Variants in PTPRG observed in about 807,000 individuals in gnomAD.
The protein encoded by PTPRG is protein tyrosine phosphatase receptor type G.
In PTPRG, 102 loss-of-function variants were observed where a neutral mutation model predicts 165.3. The ratio of observed to expected loss-of-function variants is 0.62; its 90% CI spans 0.53 to 0.73. The LOEUF (loss-of-function observed/expected upper bound fraction) is 0.73, where lower values mean the gene tolerates loss of function less well. Ranked by LOEUF, PTPRG falls within the 30% of genes least tolerant of loss-of-function variation. The pLI is 0.00. For missense variants in PTPRG, 1,866 were observed against 1,861.4 expected, an observed-to-expected ratio of 1.00 and a Z score of -0.05; for synonymous variants, 675 against 669.5, an observed-to-expected ratio of 1.01 and a Z score of -0.13.
intron 2 of PTPRG, among the ~76,000 whole-genome samples, chr3:61,937,249 T>G (rs938042140): frequency 1.3e-5 from 2 of 152,236 alleles, no homozygotes; most frequent in African/African-American, 2.4e-5. Flanking sequence ...TGCTTGAATA[T>G]GCCCACCAGA....
At chr3:61,833,249 C>CT (rs1335675420) in intron 2 of PTPRG, among the ~76,000 whole-genome samples, 2 of 152,148 alleles carry the variant, frequency 1.3e-5, no homozygotes, top group African/African-American at 4.8e-5. Context: ...TAAATATATA[C>CT]TATAGGACTT....
chr3:62,170,189 A>G (rs984796534), intron 8 of PTPRG, among the ~76,000 whole-genome samples: 9 of 152,090 alleles, frequency 5.9e-5, no homozygotes, highest in Non-Finnish European at 8.8e-5. Context: ...AACCTGTGAA[A>G]TATCTTAGGT....
At chr3:61,926,729 A>G (rs1444936278) in intron 2 of PTPRG, among the ~76,000 whole-genome samples, 1 of 151,824 alleles carries the variant, frequency 6.6e-6, no homozygotes, top group African/African-American at 2.4e-5. Flanking sequence ...TGCCATTATA[A>G]TTCCAGTTTG....
At chr3:62,122,530 G>T (rs1208664411) in intron 5 of PTPRG, among the ~76,000 whole-genome samples, 3 of 152,186 alleles carry the variant, frequency 2.0e-5, no homozygotes, top group Non-Finnish European at 4.4e-5. Flanking sequence ...TAATTGCTGT[G>T]GATATGAAAC....
At chr3:62,160,785 T>G (rs985960774) in intron 7 of PTPRG, among the ~76,000 whole-genome samples, 16 of 152,144 alleles carry the variant, frequency 1.1e-4, no homozygotes, top group African/African-American at 3.9e-4. Context: ...GAATTTTACT[T>G]AAGTGCTTGT....
chr3:61,784,557 T>A (rs1466431346), intron 2 of PTPRG, among the ~76,000 whole-genome samples: 1 of 152,206 alleles, frequency 6.6e-6, no homozygotes, highest in African/African-American at 2.4e-5. Flanking sequence ...TGTTTCACTT[T>A]AAGCTTCCAC....
intron 2 of PTPRG, among the ~76,000 whole-genome samples, chr3:61,947,543 A>C (rs2039790293): frequency 6.6e-6 from 1 of 152,186 alleles, no homozygotes; most frequent in Non-Finnish European, 1.5e-5. Context: ...GTTAGGATTT[A>C]TTCAGGCATG....
chr3:62,191,583 TCTC>T lies in PTPRG; in HGVS notation c.1151_1153del (p.Ser384del). On this transcript the variant is annotated inframe_deletion, in exon 9 of 30. Coordinates refer to ENST00000474889, the MANE Select transcript of PTPRG (RefSeq NM_002841.4). Reference sequence around the variant, plus strand: ...CACCCACCCATCATGAACTACATGATCTCCTACAGCTGGACCAAGAATGAGGAC... The same window carrying T: ...CACCCACCCATCATGAACTACATGATCTACAGCTGGACCAAGAATGAGGAC... The T allele has an allele frequency of 6.2e-7, 1 of 1,614,064 alleles. No homozygotes were observed. Among genetic ancestry groups the T allele is most frequent in the Non-Finnish European group, 8.5e-7 (1 of 1,179,996 alleles).
intron 5 of PTPRG, among the ~76,000 whole-genome samples, chr3:62,086,542 A>G (rs1039627116): frequency 2.6e-5 from 4 of 152,206 alleles, no homozygotes; most frequent in African/African-American, 7.2e-5. Flanking sequence ...TTCCTAATTT[A>G]TTCCTTTCCA....
intron 2 of PTPRG, among the ~76,000 whole-genome samples, chr3:61,793,039 G>A (rs906001674): frequency 6.6e-6 from 1 of 152,112 alleles, no homozygotes; most frequent in Non-Finnish European, 1.5e-5. Context: ...TTTGAGAGTG[G>A]CACAAGAAAT....
At chr3:61,882,199 G>A (rs1431779948) in intron 2 of PTPRG, among the ~76,000 whole-genome samples, 1 of 152,168 alleles carries the variant, frequency 6.6e-6, no homozygotes, top group Non-Finnish European at 1.5e-5. Flanking sequence ...AAGAGTATTG[G>A]GGTAACTTAT....
chr3:61,879,380 T>TTTTC (rs570538193), intron 2 of PTPRG, among the ~76,000 whole-genome samples: 1 of 152,222 alleles, frequency 6.6e-6, no homozygotes, highest in African/African-American at 2.4e-5. Context: ...CGAGGTCTTC[T>TTTTC]TTTCTTTCTT....
chr3:62,249,647 T>C (rs1385479601), intron 15 of PTPRG, among the ~76,000 whole-genome samples: 1 of 152,178 alleles, frequency 6.6e-6, no homozygotes, highest in African/African-American at 2.4e-5. Flanking sequence ...GGATATTTTA[T>C]TAAATAGACC....
intron 28 of PTPRG, among the ~76,000 whole-genome samples, chr3:62,286,260 T>G (rs1416279726): frequency 6.6e-6 from 1 of 152,166 alleles, no homozygotes; most frequent in Non-Finnish European, 1.5e-5. Context: ...TTTTCGCTTT[T>G]ATTGAGAGCC....
chr3:61,977,126 T>A (rs1266570898), intron 2 of PTPRG, among the ~76,000 whole-genome samples: 2 of 152,070 alleles, frequency 1.3e-5, no homozygotes, highest in African/African-American at 4.8e-5. Context: ...AGATTGTATA[T>A]CTGATTATGT....
At chr3:61,987,706 A>G (rs756441003) in intron 2 of PTPRG, among the ~76,000 whole-genome samples, 47 of 152,184 alleles carry the variant, frequency 3.1e-4, no homozygotes, top group Non-Finnish European at 4.7e-4. Context: ...GTGGCTAAGT[A>G]AAATTCCTAT....
Position 62,269,092 on chromosome 3 carries a change from G to A in PTPRG, c.2932G>A (p.Val978Ile). The A allele has an allele frequency of 5.6e-6, 9 of 1,608,590 alleles. No homozygotes were observed. Among genetic ancestry groups the A allele is most frequent in the Non-Finnish European group, 7.7e-6 (9 of 1,175,846 alleles). ...ENSEEYGNII[V>I]TLKSTKIHAC... ...CAGTGAGGAATATGGAAACATTATTGTCACGCTGAAGAGCACAAAAATACA... is the reference window on the plus strand; with the variant it reads ...CAGTGAGGAATATGGAAACATTATTATCACGCTGAAGAGCACAAAAATACA... The change falls in exon 20 of 30, where the codon GTC becomes ATC. Residue 978 changes from valine (V) to isoleucine (I), a missense_variant. Around this residue, in one of 3 missense-constraint regions of PTPRG, gnomAD observed 1,452 missense variants for 1,463.0 expected, o/e 0.99. Transcript: ENST00000474889.
intron 5 of PTPRG, among the ~76,000 whole-genome samples, chr3:62,082,123 C>A (rs555824045): frequency 6.6e-6 from 1 of 152,318 alleles, no homozygotes; most frequent in East Asian, 1.9e-4. Context: ...AAAGCCCAGG[C>A]CTAGGCAAGG....
At chr3:61,584,202 A>C (rs1431548678) in intron 1 of PTPRG, among the ~76,000 whole-genome samples, 2 of 152,218 alleles carry the variant, frequency 1.3e-5, no homozygotes, top group African/African-American at 4.8e-5. Context: ...AAGGATCTGT[A>C]AGGAAATGAG....
Sources: allele counts gnomAD v4.1 joint callset (sites outside exome capture counted in the v4.1 genomes callset), GRCh38; gene constraint gnomAD v4.1.1; regional missense constraint gnomAD v4.1.1; transcripts MANE v1.5; gene names NCBI Gene and HGNC (gene_info 2026-07-23, HGNC 2026-07-21).